IQCH: variants seen among roughly 807,000 people sequenced by gnomAD.
IQCH encodes IQ motif containing H, also known as IQ domain-containing protein H.
Under a neutral mutation model 117.0 loss-of-function variants are expected in IQCH, and 98 were observed. The observed-to-expected ratio is 0.84, with a 90% CI of 0.71 to 0.99. The LOEUF (loss-of-function observed/expected upper bound fraction) is 0.99. IQCH is among the 50% of genes least tolerant of loss of function. IQCH has a pLI of 0.00. For missense variants in IQCH, 1,102 were observed against 1,243.8 expected (o/e 0.89, Z 1.72); for synonymous variants, 412 against 448.2 (o/e 0.92, Z 1.02).
At chr15:67,323,630 G>A (rs1968252619) in intron 4 of IQCH, among the ~76,000 whole-genome samples, 1 of 151,846 alleles carries the variant, frequency 6.6e-6, no homozygotes, top group Non-Finnish European at 1.5e-5. Flanking sequence ...ATTTTTAGTG[G>A]TTGCTCTAGG....
Position 67,279,465 on chromosome 15 carries a change from C to A in IQCH, c.340C>A (p.Pro114Thr), listed in dbSNP as rs755684291. 7.5e-6 allele frequency: 12 copies of A among 1,610,476 alleles called. No individual in the cohort carries two copies. The East Asian group carries it at 2.5e-4, about 33-fold the overall frequency. The change falls in exon 4 of 21, where the codon CCC (proline) becomes ACC (threonine). Residue 114 changes from proline to threonine, a missense_variant. Physicochemically the swap from Pro to Thr is conservative, Grantham distance 38. Coordinates refer to ENST00000335894, the MANE Select transcript of IQCH (RefSeq NM_001031715.3). ...GGAATCTGAGGGTACATTTTGGCAA[C>A]CCCAAAGACAGCACAGTTCATCTCT... The part of the protein sequence containing the change: ...PQESEGTFWQ[P>T]QRQHSSSLPV...
Position 67,365,962 on chromosome 15 carries a change from G to A in IQCH, c.753+6077G>A, listed in dbSNP as rs550883705. Among the ~76,000 whole-genome samples the A allele has an allele frequency of 1.4e-4, 21 of 152,236 alleles. No individual in the cohort carries two copies. The highest frequency in any genetic ancestry group is 5.1e-4 in the African/African-American group (21 of 41,542). The stretch of plus-strand genomic sequence containing the variant: ...AAAAAAGAATACATATGTAGGTATA[G>A]AGAATATGACAAGGTGGAGCTCTGT... On this transcript the variant is annotated intron_variant, in intron 8 of 20. Coordinates refer to ENST00000335894, the MANE Select transcript of IQCH (RefSeq NM_001031715.3). This position sits in a 1 kb window ranked among gnomAD's most constrained non-coding sequence, Gnocchi z 4.4.
In IQCH at chr15:67,475,678, A is replaced by C. The variant is rs1365856111; in HGVS notation, c.2677-18A>C. The C allele has an allele frequency of 6.2e-7, 1 of 1,608,528 alleles. No individual in the cohort carries two copies. The highest frequency in any genetic ancestry group is 1.7e-5 in the Admixed American group (1 of 58,782). On this transcript the variant is annotated intron_variant, in intron 17 of 20. Coordinates refer to ENST00000335894, the MANE Select transcript of IQCH (RefSeq NM_001031715.3). This position sits in a 1 kb window ranked among gnomAD's most constrained non-coding sequence, Gnocchi z 5.7. Reference sequence around the variant, plus strand: ...TTATTTAAATATCTGTTTAATATTCAGTTGTGCTCCTTTCCAGATGCTGGC... The same window carrying C: ...TTATTTAAATATCTGTTTAATATTCCGTTGTGCTCCTTTCCAGATGCTGGC...
chr15:67,306,937 C>T (rs1241749715), intron 4 of IQCH: 3 of 1,403,820 alleles, frequency 2.1e-6, no homozygotes, highest in Non-Finnish European at 2.8e-6. Flanking sequence ...AAGAAATCTA[C>T]AGAAAATTTG....
At chr15:67,486,077 A>G (rs1457159166) in intron 18 of IQCH, among the ~76,000 whole-genome samples, 1 of 113,352 alleles carries the variant, frequency 8.8e-6, no homozygotes, top group Non-Finnish European at 1.7e-5. Context: ...GTCTTGCACT[A>G]TCTCCCGGGC....
In IQCH at chr15:67,342,592, C is replaced by G. The variant is rs1969220857; in HGVS notation, c.509-1471C>G. On this transcript the variant is annotated intron_variant, in intron 5 of 20. Coordinates refer to ENST00000335894, the MANE Select transcript of IQCH (RefSeq NM_001031715.3). This position sits in a 1 kb window ranked among gnomAD's most constrained non-coding sequence, Gnocchi z 4.7. ...TTTTTCACATCTGCAAAACAGAGTT[C>G]TTGGAAATGAAATTTGATATTTATA... Among the ~76,000 whole-genome samples, 1 of 151,898 alleles carries G rather than the reference C, an allele frequency of 6.6e-6. No homozygotes were observed. The highest frequency in any genetic ancestry group is 2.4e-5 in the African/African-American group (1 of 41,332).
intron 1 of IQCH, among the ~76,000 whole-genome samples, 175 bp from the exon 2 acceptor site, chr15:67,261,093 CAAAA>C (rs5813432): frequency 7.9e-6 from 1 of 126,442 alleles, no homozygotes. Flanking sequence ...AATTCCATCT[CAAAA>C]AAAAAAAAAA....
chr15:67,301,369 A>G (rs552849222), intron 4 of IQCH, among the ~76,000 whole-genome samples: 15 of 143,150 alleles, frequency 1.0e-4, no homozygotes, highest in African/African-American at 3.8e-4. Flanking sequence ...TGTACTTGGT[A>G]GTGAATTTCA....
At chr15:67,309,159 A>T (rs1310945766) in intron 4 of IQCH, among the ~76,000 whole-genome samples, 1 of 152,170 alleles carries the variant, frequency 6.6e-6, no homozygotes, top group Non-Finnish European at 1.5e-5. Flanking sequence ...TTTTAATGAG[A>T]TAATTCAAAG....
In IQCH at chr15:67,447,304, A is replaced by G. The variant is rs1222962502; in HGVS notation, c.2506-17823A>G. Among the ~76,000 whole-genome samples, 1 of 152,122 alleles carries G rather than the reference A, an allele frequency of 6.6e-6. No individual in the cohort carries two copies. Among genetic ancestry groups the G allele is most frequent in the Admixed American group, 6.6e-5 (1 of 15,262 alleles). On this transcript the variant is annotated intron_variant, in intron 16 of 20. Transcript: ENST00000335894. The surrounding 1 kb of genome is among the most constrained non-coding windows in gnomAD (Gnocchi z 5.3). The stretch of plus-strand genomic sequence containing the variant: ...GTCTCCCTCCTTGAGTCTGTCCTAC[A>G]TGGTAGCTGCAAGGCAGCTTTCTAA...
At chr15:67,304,299 G>A in intron 4 of IQCH, 1 of 1,028,964 alleles carries the variant, frequency 9.7e-7, no homozygotes, top group Non-Finnish European at 1.4e-6. Flanking sequence ...AAGCATTTTT[G>A]TTCATCCAGC....
intron 4 of IQCH, among the ~76,000 whole-genome samples, chr15:67,284,023 T>C (rs957603532): frequency 2.0e-5 from 3 of 152,144 alleles, no homozygotes; most frequent in Non-Finnish European, 4.4e-5. Context: ...CACCTCAAGA[T>C]TGCATTTATC....
rs550537774 is a variant in IQCH, at chr15:67,386,079, T to C, written c.1456+1060T>C. On this transcript the variant is annotated intron_variant, in intron 11 of 20. Transcript: ENST00000335894. This position sits in a 1 kb window ranked among gnomAD's most constrained non-coding sequence, Gnocchi z 5.0. ...TAGGCACTCAGATTGTTTTTCAGCA[T>C]TACAAAAAAAATTTTTAATGACTTA... is the stretch of plus-strand genomic sequence containing the variant. Among the ~76,000 whole-genome samples the C allele has an allele frequency of 1.4e-4, 21 of 152,272 alleles. No homozygotes were observed. The highest frequency in any genetic ancestry group is 4.6e-4 in the African/African-American group (19 of 41,566).
rs1326667315 is a variant in IQCH, at chr15:67,261,372, A to G, written c.152A>G (p.Lys51Arg). The G allele has an allele frequency of 9.4e-6, 15 of 1,589,906 alleles. No homozygotes were observed. The highest frequency in any genetic ancestry group is 2.7e-5 in the African/African-American group (2 of 73,072). ...ATTCAGAGTCTTGAAACAGCAATCA[A>G]AAGGACTGAAGTGGGGTTAAGAGTA... ...LDIQSLETAIKRTEVGLRIHI... is the reference protein window; with the variant it reads ...LDIQSLETAIRRTEVGLRIHI... The change falls in exon 2 of 21, where the codon AAA becomes AGA. Residue 51 changes from lysine (K) to arginine (R), a missense_variant. This residue lies in a region of IQCH where 452 missense variants were observed against 449.6 expected (regional missense o/e 1.01). Transcript: ENST00000335894.
chr15:67,296,337 C>T (rs1966852330), intron 4 of IQCH, among the ~76,000 whole-genome samples: 1 of 152,140 alleles, frequency 6.6e-6, no homozygotes, highest in Admixed American at 6.5e-5. Flanking sequence ...ACAGCATGCT[C>T]ACTTGCAGAG....
At chr15:67,308,895 A>G (rs2140554916) in intron 4 of IQCH, among the ~76,000 whole-genome samples, 1 of 152,216 alleles carries the variant, frequency 6.6e-6, no homozygotes, top group Non-Finnish European at 1.5e-5. Context: ...CATAAAAAAA[A>G]ATCTAGCTGT....
At position 67,417,539 on chromosome 15, in the gene IQCH, C is replaced by T. The variant is rs897982145; in HGVS notation, c.2218+488C>T. On this transcript the variant is annotated intron_variant, in intron 15 of 20. Coordinates refer to ENST00000335894, the MANE Select transcript of IQCH (RefSeq NM_001031715.3). The surrounding 1 kb of genome is among the most constrained non-coding windows in gnomAD (Gnocchi z 4.3). The stretch of plus-strand genomic sequence containing the variant: ...TTTTCTAGGAGAGCAAAAATGGTCT[C>T]GCTTCCAGTTCTGAATATAGCATTT... Among the ~76,000 whole-genome samples, 2 of 152,212 alleles carry T rather than the reference C, an allele frequency of 1.3e-5. No individual in the cohort carries two copies. The highest frequency in any genetic ancestry group is 2.4e-5 in the African/African-American group (1 of 41,452).
At position 67,413,935 on chromosome 15, in the gene IQCH, C is replaced by A. The variant is rs189700472; in HGVS notation, c.2098-2996C>A. ...CTGGCTTTGTGATCAGAGGCGGTGG[C>A]AGAAGCCTGGCACAGTGTCCAGATG... On this transcript the variant is annotated intron_variant, in intron 14 of 20. Transcript: ENST00000335894. This position sits in a 1 kb window ranked among gnomAD's most constrained non-coding sequence, Gnocchi z 5.0. 6.6e-6 allele frequency among the ~76,000 whole-genome samples: 1 copy of A among 152,172 alleles called. No individual in the cohort carries two copies. Among genetic ancestry groups the A allele is most frequent in the Non-Finnish European group, 1.5e-5 (1 of 68,028 alleles).
chr15:67,308,896 A>T (rs76102775), intron 4 of IQCH, among the ~76,000 whole-genome samples: 2 of 152,110 alleles, frequency 1.3e-5, no homozygotes, highest in East Asian at 3.9e-4. Context: ...ATAAAAAAAA[A>T]TCTAGCTGTA....
Sources: allele counts gnomAD v4.1 joint callset (sites outside exome capture counted in the v4.1 genomes callset), GRCh38; gene constraint gnomAD v4.1.1; regional missense constraint gnomAD v4.1.1; non-coding constraint Gnocchi (gnomAD v3.1); transcripts MANE v1.5; gene names NCBI Gene and HGNC (gene_info 2026-07-23, HGNC 2026-07-21).